Variants in CSMD1 observed in about 807,000 individuals in gnomAD.
The protein encoded by CSMD1 is CUB and sushi domain-containing protein 1.
In CSMD1, 213 loss-of-function variants were observed where a neutral mutation model predicts 417.5. That is an observed-to-expected ratio of 0.51 (90% CI 0.46 to 0.57). The LOEUF (loss-of-function observed/expected upper bound fraction) is 0.57, where lower values mean the gene tolerates loss of function less well. Among genes scored for constraint, CSMD1 ranks in the 20% least tolerant of loss-of-function variants. The pLI is 0.00. For missense variants in CSMD1, 6,923 were observed against 4,529.7 expected (o/e 1.53, Z -15.17); for synonymous variants, 2,862 against 1,736.8 (o/e 1.65, Z -16.11).
intron 3 of CSMD1, among the ~76,000 whole-genome samples, chr8:4,048,409 A>G (rs879389589): frequency 1.3e-5 from 2 of 152,232 alleles, no homozygotes; most frequent in Non-Finnish European, 2.9e-5. Context: ...CACTGTGTAC[A>G]TATTTCAATT....
chr8:3,883,515 G>A (rs1402051362), intron 5 of CSMD1, among the ~76,000 whole-genome samples: 1 of 152,086 alleles, frequency 6.6e-6, no homozygotes, highest in Non-Finnish European at 1.5e-5. Flanking sequence ...TCCTTTAAAT[G>A]AATCATGCGG....
intron 5 of CSMD1, among the ~76,000 whole-genome samples, chr8:3,886,108 T>C (rs1200749908): frequency 3.3e-5 from 5 of 152,182 alleles, no homozygotes; most frequent in African/African-American, 9.6e-5. Context: ...TGGAGCACAG[T>C]GCTGCGATCT....
intron 5 of CSMD1, among the ~76,000 whole-genome samples, chr8:3,909,056 G>C (rs1808288619): frequency 6.6e-6 from 1 of 152,196 alleles, no homozygotes; most frequent in Non-Finnish European, 1.5e-5. Flanking sequence ...GCGGGGAGCA[G>C]CTGAGAAGGC....
chr8:3,440,302 T>G (rs1430559907), intron 12 of CSMD1, among the ~76,000 whole-genome samples: 1 of 152,174 alleles, frequency 6.6e-6, no homozygotes, highest in East Asian at 1.9e-4. Context: ...TCTCTACTTA[T>G]TTTGATCTTT....
In CSMD1 at chr8:3,284,241, G is replaced by A. The variant is rs137933937; in HGVS notation, c.4056C>T (p.Ala1352=). 284 of 1,613,662 alleles carry A rather than the reference G, an allele frequency of 1.8e-4. No homozygotes were observed. In the African/African-American group the frequency reaches 2.0e-3, roughly 11 times the overall value. Residue 1352 remains alanine, a synonymous_variant, in exon 26 of 70, where the codon GCC becomes GCT. Coordinates refer to ENST00000635120, the MANE Select transcript of CSMD1 (RefSeq NM_033225.6). Reference sequence around the variant, plus strand: ...AGGTGCTGTGGATGTCCTCCGGAAGGGCGGAGCCACTCCACTCCTTCAGCA... The same window carrying A: ...AGGTGCTGTGGATGTCCTCCGGAAGAGCGGAGCCACTCCACTCCTTCAGCA... ...DILLKEWSGS[A]LPEDIHSTFN... is the part of the protein sequence containing the mutation.
intron 2 of CSMD1, among the ~76,000 whole-genome samples, chr8:4,435,134 G>A (rs544710645): frequency 2.6e-5 from 4 of 152,064 alleles, no homozygotes; most frequent in African/African-American, 4.8e-5. Flanking sequence ...GTATTTTAAA[G>A]TATCAGTAAT....
At chr8:4,475,126 A>G (rs1183120601) in intron 2 of CSMD1, among the ~76,000 whole-genome samples, 2 of 152,146 alleles carry the variant, frequency 1.3e-5, no homozygotes, top group Non-Finnish European at 2.9e-5. Flanking sequence ...AGGATGCTTT[A>G]TTATGTTTAG....
intron 6 of CSMD1, among the ~76,000 whole-genome samples, chr8:3,749,497 A>G (rs1003837177): frequency 3.9e-5 from 6 of 152,238 alleles, no homozygotes; most frequent in Non-Finnish European, 7.3e-5. Context: ...GACTCCGAGA[A>G]TAAAGAATTT....
intron 3 of CSMD1, among the ~76,000 whole-genome samples, chr8:4,102,836 A>C (rs1043458788): frequency 6.6e-6 from 1 of 152,152 alleles, no homozygotes; most frequent in South Asian, 2.1e-4. Context: ...ATCCTGCTTG[A>C]TATCAGGAAG....
chr8:4,604,731 T>G (rs1408427242), intron 2 of CSMD1, among the ~76,000 whole-genome samples: 1 of 152,156 alleles, frequency 6.6e-6, no homozygotes, highest in African/African-American at 2.4e-5. Context: ...AATGGTAACA[T>G]TTATGCACAA....
chr8:4,495,598 G>C (rs1271676795), intron 2 of CSMD1, among the ~76,000 whole-genome samples: 3 of 151,812 alleles, frequency 2.0e-5, no homozygotes, highest in African/African-American at 4.8e-5. Context: ...AAAAAGAATT[G>C]CTTTTTAGGG....
intron 2 of CSMD1, among the ~76,000 whole-genome samples, chr8:4,578,614 A>C (rs1799255490): frequency 6.6e-6 from 1 of 151,380 alleles, no homozygotes; most frequent in Non-Finnish European, 1.5e-5. Flanking sequence ...CAGGAGTTCA[A>C]GATCAGCCTG....
chr8:4,026,438 A>G (rs1797069309), intron 4 of CSMD1, among the ~76,000 whole-genome samples: 1 of 152,228 alleles, frequency 6.6e-6, no homozygotes, highest in Non-Finnish European at 1.5e-5. Flanking sequence ...GCTGACTGTT[A>G]TGTCAACTTT....
intron 7 of CSMD1, among the ~76,000 whole-genome samples, chr8:3,690,995 T>C (rs1445011872): frequency 6.6e-6 from 1 of 151,748 alleles, no homozygotes; most frequent in East Asian, 1.9e-4. Flanking sequence ...GGGTGGGGAG[T>C]GCTGACGGGT....
intron 10 of CSMD1, among the ~76,000 whole-genome samples, chr8:3,571,489 G>A (rs1048603686): frequency 2.6e-5 from 4 of 152,154 alleles, no homozygotes; most frequent in African/African-American, 9.6e-5. Context: ...GATTTACCAA[G>A]ACTCCTCTGC....
intron 46 of CSMD1, among the ~76,000 whole-genome samples, chr8:3,104,115 C>T (rs558408752): frequency 1.3e-5 from 2 of 152,110 alleles, no homozygotes; most frequent in African/African-American, 4.8e-5. Context: ...CTAAGATCAC[C>T]TTTAGTTAAA....
chr8:4,228,616 C>A (rs773365377), intron 3 of CSMD1, among the ~76,000 whole-genome samples: 9 of 145,480 alleles, frequency 6.2e-5, no homozygotes, highest in Non-Finnish European at 1.1e-4. Context: ...CCTACCCTCA[C>A]TTCCCAAGTA....
chr8:3,236,589 C>T (rs991908568), intron 26 of CSMD1, among the ~76,000 whole-genome samples: 2 of 152,122 alleles, frequency 1.3e-5, no homozygotes, highest in African/African-American at 4.8e-5. Flanking sequence ...TAATACAAAC[C>T]CCCACCCAGG....
chr8:2,939,262 G>A (rs983406516), intron 69 of CSMD1, among the ~76,000 whole-genome samples: 3 of 152,234 alleles, frequency 2.0e-5, no homozygotes, highest in Non-Finnish European at 2.9e-5. Flanking sequence ...AAACAGGGTT[G>A]TGGGCATATG....
Sources: allele counts gnomAD v4.1 joint callset (sites outside exome capture counted in the v4.1 genomes callset), GRCh38; gene constraint gnomAD v4.1.1; transcripts MANE v1.5; gene names NCBI Gene and HGNC (gene_info 2026-07-23, HGNC 2026-07-21).